The following LNX1 variants were observed in gnomAD, a reference collection of about 807,000 sequenced individuals.
The protein encoded by LNX1 is E3 ubiquitin-protein ligase LNX.
A neutral mutation model predicts 68.4 loss-of-function variants in LNX1; 54 were observed. The observed-to-expected ratio is 0.79, with a 90% CI of 0.63 to 0.99. The LOEUF is 0.99. Ranked by LOEUF, LNX1 falls within the 50% of genes least tolerant of loss-of-function variation. The pLI is 0.00. For missense variants in LNX1, 906 were observed against 926.4 expected (o/e 0.98, Z 0.29); for synonymous variants, 336 against 350.0 (o/e 0.96, Z 0.45).
intron 6 of LNX1, among the ~76,000 whole-genome samples, chr4:53,482,764 A>G (rs996248807): frequency 6.6e-6 from 1 of 152,230 alleles, no homozygotes; most frequent in Non-Finnish European, 1.5e-5. Context: ...TACACTATTC[A>G]GGTGACAGGT....
At chr4:53,525,983 T>C (rs1388956303) in intron 2 of LNX1, among the ~76,000 whole-genome samples, 1 of 152,234 alleles carries the variant, frequency 6.6e-6, no homozygotes, top group East Asian at 1.9e-4. Context: ...AAATTTCTAG[T>C]ATCTAATTAC....
intron 4 of LNX1, among the ~76,000 whole-genome samples, chr4:53,500,808 C>T (rs1725421851): frequency 6.6e-6 from 1 of 152,100 alleles, no homozygotes; most frequent in South Asian, 2.1e-4. Flanking sequence ...GTAGGCTATA[C>T]CACAGGCAAT....
At chr4:53,544,338 C>T (rs367566829) in intron 2 of LNX1, among the ~76,000 whole-genome samples, 3 of 152,174 alleles carry the variant, frequency 2.0e-5, no homozygotes, top group Admixed American at 6.5e-5. Flanking sequence ...GGACTACAGG[C>T]GCATGCCACC....
At chr4:53,575,966 T>G in intron 1 of LNX1, 1 of 1,561,814 alleles carries the variant, frequency 6.4e-7, no homozygotes, top group South Asian at 1.2e-5. Flanking sequence ...CTGGGTGCCC[T>G]ACTGGCAGGC....
intron 1 of LNX1, among the ~76,000 whole-genome samples, chr4:53,650,669 T>TA (rs766591502): frequency 1.3e-5 from 2 of 152,150 alleles, no homozygotes; most frequent in Non-Finnish European, 2.9e-5. Context: ...ACTACCGCCC[T>TA]ACATATAGGG....
intron 1 of LNX1, chr4:53,579,396 C>T (rs1316607195): frequency 8.5e-6 from 3 of 354,162 alleles, no homozygotes; most frequent in Non-Finnish European, 1.2e-5. Flanking sequence ...CCAAAACCCC[C>T]AATCTAGTGC....
chr4:53,524,633 A>G (rs1727483605), intron 2 of LNX1, among the ~76,000 whole-genome samples: 1 of 152,310 alleles, frequency 6.6e-6, no homozygotes, highest in Non-Finnish European at 1.5e-5. Flanking sequence ...GAACCACTCA[A>G]TATTGTCTCC....
chr4:53,591,499 C>T (rs1346438270), upstream of LNX1: 2 of 985,448 alleles, frequency 2.0e-6, no homozygotes, highest in Non-Finnish European at 2.4e-6. Context: ...CCAGCCTCAA[C>T]TTCGGTGAAC....
At chr4:53,569,692 A>G (rs1730993929) in intron 2 of LNX1, among the ~76,000 whole-genome samples, 1 of 151,012 alleles carries the variant, frequency 6.6e-6, no homozygotes, top group African/African-American at 2.4e-5. Context: ...GAGCTTCTGC[A>G]CAGCAAAAGA....
intron 2 of LNX1, among the ~76,000 whole-genome samples, chr4:53,613,563 G>A (rs1158097319): frequency 6.6e-6 from 1 of 152,076 alleles, no homozygotes; most frequent in Non-Finnish European, 1.5e-5. Context: ...GCGGTATTTG[G>A]TTTTCTGTTC....
intron 1 of LNX1, chr4:53,576,497 C>A (rs1318786340): frequency 2.5e-6 from 3 of 1,224,376 alleles, no homozygotes; most frequent in African/African-American, 1.5e-5. Flanking sequence ...ATGAGGCAGG[C>A]TCTTCATCCA....
chr4:53,526,417 AC>A (rs1417784940), intron 2 of LNX1, among the ~76,000 whole-genome samples: 1 of 151,984 alleles, frequency 6.6e-6, no homozygotes, highest in African/African-American at 2.4e-5. Context: ...AAATGGGGAA[AC>A]CAACAAATGC....
chr4:53,541,415 G>A (rs1047392545), intron 2 of LNX1, among the ~76,000 whole-genome samples: 2 of 152,204 alleles, frequency 1.3e-5, no homozygotes, highest in Admixed American at 1.3e-4. Flanking sequence ...AAAGTTCCAT[G>A]CTTTTGGAAG....
intron 7 of LNX1, among the ~76,000 whole-genome samples, chr4:53,480,862 T>C (rs1723865075): frequency 6.6e-6 from 1 of 152,240 alleles, no homozygotes; most frequent in Non-Finnish European, 1.5e-5. Context: ...TACTTTCTGT[T>C]GCAAGAAGAA....
rs761909300 is a variant in LNX1, at chr4:53,496,355, C to G, written c.1018G>C (p.Ala340Pro). The stretch of plus-strand genomic sequence containing the variant: ...CAGGGCTGCCGCAGGAGACGCACAG[C>G]GTAGTTGTGAGGGACATTGCTGATG... The part of the protein sequence containing the change: ...MDISNVPHNY[A>P]VRLLRQPCQV... The change falls in exon 6 of 11, where the codon GCT (alanine) becomes CCT (proline). Residue 340 changes from alanine (A) to proline (P), a missense_variant. Coordinates refer to ENST00000263925, the MANE Select transcript of LNX1 (RefSeq NM_001126328.3). 5 of 1,613,798 alleles carry G rather than the reference C, an allele frequency of 3.1e-6. No homozygotes were observed. The highest frequency in any genetic ancestry group is 4.2e-6 in the Non-Finnish European group (5 of 1,179,852).
Position 53,469,310 on chromosome 4 carries a change from G to A in LNX1, c.1892+7443C>T, listed in dbSNP as rs191761685. 7.6e-3 allele frequency among the ~76,000 whole-genome samples: 1,157 copies of A among 152,054 alleles called. 16 individuals carry two copies. The highest frequency in any genetic ancestry group is 0.025 in the African/African-American group (1,038 of 41,490). On this transcript the variant is annotated intron_variant, in intron 9 of 10. Coordinates refer to ENST00000263925, the MANE Select transcript of LNX1 (RefSeq NM_001126328.3). The stretch of plus-strand genomic sequence containing the variant: ...AAACCAACGAGAACAAAGACACAGC[G>A]TACCAGAATCTCTGGGACACATTCA...
chr4:53,513,456 T>C (rs1726518418), intron 2 of LNX1, among the ~76,000 whole-genome samples: 1 of 152,114 alleles, frequency 6.6e-6, no homozygotes, highest in South Asian at 2.1e-4. Context: ...CCCTGATCCC[T>C]AGACTCATAT....
intron 2 of LNX1, among the ~76,000 whole-genome samples, chr4:53,572,203 C>T (rs879244444): frequency 6.6e-6 from 1 of 152,134 alleles, no homozygotes; most frequent in African/African-American, 2.4e-5. Flanking sequence ...TCTTTCCCAC[C>T]AACGTCTCCC....
chr4:53,476,962 C>A lies in LNX1; in HGVS notation c.1683G>T (p.Val561=), dbSNP rs1723605402. Residue 561 remains valine, a synonymous_variant, in exon 9 of 11, where the codon GTG becomes GTT. Coordinates refer to ENST00000263925, the MANE Select transcript of LNX1 (RefSeq NM_001126328.3). ...TGACCTCTGTCAGTTCGACCCCATC[C>A]ACATTCAACAAAATGTCACCTGATG... The part of the protein sequence containing the change: ...RIKTGDILLN[V]DGVELTEVSR... 6.2e-7 allele frequency: 1 copy of A among 1,613,944 alleles called. No homozygotes were observed. The highest frequency in any genetic ancestry group is 1.3e-5 in the African/African-American group (1 of 74,934).
Sources: allele counts gnomAD v4.1 joint callset (sites outside exome capture counted in the v4.1 genomes callset), GRCh38; gene constraint gnomAD v4.1.1; transcripts MANE v1.5; gene names NCBI Gene and HGNC (gene_info 2026-07-23, HGNC 2026-07-21).